PABPC1: variants seen among roughly 807,000 people sequenced by gnomAD.
PABPC1 encodes the protein polyadenylate-binding protein 1.
Under a neutral mutation model 74.0 loss-of-function variants are expected in PABPC1, and 4 were observed. The ratio of observed to expected loss-of-function variants is 0.05; its 90% CI spans 0.03 to 0.12. The LOEUF is 0.12. Ranked by LOEUF, PABPC1 falls within the 10% of genes least tolerant of loss-of-function variation. The pLI, the probability that PABPC1 is intolerant of heterozygous loss-of-function variation, is 1.00. For synonymous variants in PABPC1, 227 were observed against 264.1 expected (o/e 0.86, Z 1.36); for missense variants, 271 against 821.1 (o/e 0.33, Z 8.19).
At chr8:100,715,158 C>CATAT (rs1189307757) in intron 4 of PABPC1, among the ~76,000 whole-genome samples, 2 of 76,218 alleles carry the variant, frequency 2.6e-5, no homozygotes, top group African/African-American at 8.2e-5. Flanking sequence ...CACACACACA[C>CATAT]ATATATATCT....
Position 100,717,894 on chromosome 8 carries a change from G to T in PABPC1, c.388-6C>A. The T allele has an allele frequency of 6.9e-7, 1 of 1,447,966 alleles. No homozygotes were observed. The highest frequency in any genetic ancestry group is 1.3e-5 in the South Asian group (1 of 79,012). 89.7% of individuals were successfully genotyped at this position (1,447,966 alleles called of 1,614,324 possible). On this transcript the variant is annotated splice_polypyrimidine_tract_variant and splice_region_variant and intron_variant, in intron 2 of 14. Coordinates refer to ENST00000318607, the MANE Select transcript of PABPC1 (RefSeq NM_002568.4). ...CCATTTTCATCACAAACCACCTAGG[G>T]AAAAACATATACCCATTTTTCTTTA...
chr8:100,712,246 G>C (rs761618220), intron 7 of PABPC1, 116 bp downstream of exon 7: 2 of 612,552 alleles, frequency 3.3e-6, no homozygotes, highest in African/African-American at 1.9e-5. Flanking sequence ...TTAAGTTTTA[G>C]AAGTAACGAA....
rs1368189196 is a variant in PABPC1, at chr8:100,703,165, C to G, written c.*196G>C. 1.8e-5 allele frequency: 3 copies of G among 166,868 alleles called. No homozygotes were observed. The highest frequency in any genetic ancestry group is 4.4e-5 in the Non-Finnish European group (3 of 68,130). The allele number at this position is 166,868 out of a possible 1,614,324, so 10.3% of individuals were successfully genotyped here. On this transcript the variant is annotated 3_prime_UTR_variant, in exon 15 of 15. Transcript: ENST00000318607. ...TTTTTGTGTTTTTTTGTTTTTAAATCAATAAGTAATCTAGGACTAGCATTA... is the reference window on the plus strand; with the variant it reads ...TTTTTGTGTTTTTTTGTTTTTAAATGAATAAGTAATCTAGGACTAGCATTA...
chr8:100,709,347 T>C, intron 8 of PABPC1, 112 bp downstream of exon 8: 1 of 1,476,464 alleles, frequency 6.8e-7, no homozygotes, highest in Non-Finnish European at 9.4e-7. Context: ...TCCTACTCAA[T>C]CATAATTCCC....
rs2129772096 is a variant in PABPC1, at chr8:100,721,407, G to A, written c.177C>T (p.Phe59=). The change falls in exon 1 of 15, where the codon TTC becomes TTT. Residue 59 remains phenylalanine, a synonymous_variant. Transcript: ENST00000318607. The surrounding 1 kb of genome is among the most constrained non-coding windows in gnomAD (Gnocchi z 7.4). The part of the protein sequence containing the change: ...RRSLGYAYVN[F]QQPADAERAL... The stretch of plus-strand genomic sequence containing the variant: ...GGCGCTCACCGTCCGCCGGCTGCTG[G>A]AAGTTCACATACGCGTAGCCCAAGG... 2.6e-6 allele frequency: 4 copies of A among 1,542,580 alleles called. No homozygotes were observed. Among genetic ancestry groups the A allele is most frequent in the East Asian group, 2.6e-5 (1 of 38,160 alleles).
At chr8:100,712,573 T>C in intron 6 of PABPC1, 79 bp downstream of exon 6, 1 of 1,539,232 alleles carries the variant, frequency 6.5e-7, no homozygotes, top group South Asian at 1.2e-5. Context: ...ACCCTCCAGC[T>C]ACCTGGAAGT....
chr8:100,717,667 T>C, intron 3 of PABPC1, 106 bp downstream of exon 3: 1 of 674,298 alleles, frequency 1.5e-6, no homozygotes, highest in Admixed American at 3.0e-5. Flanking sequence ...TCTTTTATCT[T>C]ATGTGCATCT....
intron 7 of PABPC1, 148 bp from the exon 8 acceptor site, chr8:100,709,879 C>G (rs1810483052): frequency 1.1e-6 from 1 of 927,518 alleles, no homozygotes; most frequent in Non-Finnish European, 1.6e-6. Flanking sequence ...ATTGAGTTCA[C>G]AATTTTTCCT....
At chr8:100,704,088 G>T (rs2129662352) in intron 14 of PABPC1, 42 of 361,170 alleles carry the variant, frequency 1.2e-4, no homozygotes, top group Admixed American at 1.8e-4. Flanking sequence ...CCACCTGAAA[G>T]TCCTGGGATT....
intron 11 of PABPC1, among the ~76,000 whole-genome samples, chr8:100,706,349 C>T (rs1810378365): frequency 6.6e-6 from 1 of 152,100 alleles, no homozygotes; most frequent in African/African-American, 2.4e-5. Flanking sequence ...TTGCTGTCAC[C>T]CAGCAGGGAT....
At chr8:100,709,261 G>A (rs993610076) in intron 8 of PABPC1, 38 bp from the exon 9 acceptor site, 1 of 1,573,434 alleles carries the variant, frequency 6.4e-7, no homozygotes, top group African/African-American at 1.4e-5. Flanking sequence ...ATCAGTTGAA[G>A]AAAAAAGCAA....
intron 1 of PABPC1, among the ~76,000 whole-genome samples, chr8:100,718,753 A>G (rs1292802149): frequency 6.6e-6 from 1 of 152,202 alleles, no homozygotes; most frequent in African/African-American, 2.4e-5. Context: ...TTTCATTGCT[A>G]ATAACTAACA....
chr8:100,711,296 A>C (rs531337041), intron 7 of PABPC1, among the ~76,000 whole-genome samples: 119 of 152,102 alleles, frequency 7.8e-4, no homozygotes, highest in Non-Finnish European at 1.6e-3. Flanking sequence ...CAAAAAAAAA[A>C]CACCTCATAA....
Position 100,704,929 on chromosome 8 carries a change from A to G in PABPC1, c.1815T>C (p.Ser605=). The part of the protein sequence containing the change: ...HMLESPESLR[S]KVDEAVAVLQ... ...TTGGTAAATAAATTTAAATCACCTT[A>G]GAACGGAGTGACTCTGGAGACTCGA... is the stretch of plus-strand genomic sequence containing the variant. Residue 605 remains serine, a synonymous_variant, in exon 13 of 15, where the codon TCT becomes TCC. Coordinates refer to ENST00000318607, the MANE Select transcript of PABPC1 (RefSeq NM_002568.4). 6.2e-7 allele frequency: 1 copy of G among 1,612,124 alleles called. No homozygotes were observed. The highest frequency in any genetic ancestry group is 8.5e-7 in the Non-Finnish European group (1 of 1,179,808).
Position 100,721,743 on chromosome 8 carries a change from A to G in PABPC1, c.-160T>C. 1 of 583,928 alleles carries G rather than the reference A, an allele frequency of 1.7e-6. No homozygotes were observed. The highest frequency in any genetic ancestry group is 2.7e-6 in the Non-Finnish European group (1 of 365,196). 36.2% of individuals were successfully genotyped at this position (583,928 alleles called of 1,614,324 possible). On this transcript the variant is annotated 5_prime_UTR_variant, in exon 1 of 15. Transcript: ENST00000318607. The surrounding 1 kb of genome is among the most constrained non-coding windows in gnomAD (Gnocchi z 7.4). ...TTGAAAACTACTCAACGGCCGCAGA[A>G]CGGGGTCGATCCACTGCCGCTGGCT... is the stretch of plus-strand genomic sequence containing the variant.
At chr8:100,706,839 G>A (rs368701304) in intron 10 of PABPC1, 34 bp from the exon 11 acceptor site, 2 of 1,161,752 alleles carry the variant, frequency 1.7e-6, no homozygotes, top group African/African-American at 3.8e-5. Context: ...TTTTTATCTT[G>A]CTCTTTCAAA....
chr8:100,711,775 T>C (rs957188881), intron 7 of PABPC1, among the ~76,000 whole-genome samples: 1 of 150,856 alleles, frequency 6.6e-6, no homozygotes, highest in Non-Finnish European at 1.5e-5. Flanking sequence ...TCCAGTTCAG[T>C]TGAGTTGTAA....
At chr8:100,706,214 T>C (rs1810374833) in intron 11 of PABPC1, among the ~76,000 whole-genome samples, 1 of 152,260 alleles carries the variant, frequency 6.6e-6, no homozygotes, top group Non-Finnish European at 1.5e-5. Flanking sequence ...TTCTCGCTGC[T>C]TGTCCAATTC....
Position 100,718,009 on chromosome 8 carries a change from T to C in PABPC1, c.387+78A>G, listed in dbSNP as rs139352072. The C allele has an allele frequency of 9.5e-4, 1,307 of 1,376,486 alleles. 14 individuals are homozygous for C. In the East Asian group the frequency reaches 0.019, roughly 20 times the overall value. The allele number at this position is 1,376,486 out of a possible 1,614,324, so 85.3% of individuals were successfully genotyped here. ...TTTGTGAAATAAAGATATCCATTAC[T>C]GCACAGTTCCTATTTCAAGCACTAA... On this transcript the variant is annotated intron_variant, in intron 2 of 14. Coordinates refer to ENST00000318607, the MANE Select transcript of PABPC1 (RefSeq NM_002568.4).
Sources: allele counts gnomAD v4.1 joint callset (sites outside exome capture counted in the v4.1 genomes callset), GRCh38; gene constraint gnomAD v4.1.1; non-coding constraint Gnocchi (gnomAD v3.1); transcripts MANE v1.5; gene names NCBI Gene and HGNC (gene_info 2026-07-23, HGNC 2026-07-21).